Variants in PCDH15 observed in about 807,000 individuals in gnomAD.
PCDH15 encodes protocadherin related 15, also known as protocadherin-15.
In PCDH15, 129 loss-of-function variants were observed where a neutral mutation model predicts 178.5. The observed-to-expected ratio is 0.72, with a 90% CI of 0.63 to 0.84. The LOEUF is 0.84. Among genes scored for constraint, PCDH15 ranks in the 40% least tolerant of loss-of-function variants. PCDH15 has a pLI of 0.00. For missense variants in PCDH15, 2,230 were observed against 2,099.9 expected (o/e 1.06, Z -1.21); for synonymous variants, 800 against 732.0 (o/e 1.09, Z -1.50).
chr10:55,505,822 T>C (rs1395068145), intron 2 of PCDH15, among the ~76,000 whole-genome samples: 3 of 151,434 alleles, frequency 2.0e-5, no homozygotes, highest in African/African-American at 4.8e-5. Context: ...ATGATAAACA[T>C]GTCTTAAGAG....
At chr10:54,385,221 G>A (rs1949773225) in intron 3 of PCDH15, among the ~76,000 whole-genome samples, 1 of 152,024 alleles carries the variant, frequency 6.6e-6, no homozygotes, top group Non-Finnish European at 1.5e-5. Flanking sequence ...ATTCTGAGTT[G>A]TCATAACCCT....
At chr10:55,026,538 A>G (rs1275418648) in intron 2 of PCDH15, among the ~76,000 whole-genome samples, 1 of 152,006 alleles carries the variant, frequency 6.6e-6, no homozygotes, top group Non-Finnish European at 1.5e-5. Flanking sequence ...AACTACAAAG[A>G]GAGGAATATA....
chr10:54,969,746 ATCACAGTG>A (rs1838885127), intron 2 of PCDH15, among the ~76,000 whole-genome samples: 1 of 152,192 alleles, frequency 6.6e-6, no homozygotes, highest in Non-Finnish European at 1.5e-5. Context: ...ATCCAGCATA[ATCACAGTG>A]TTCACTTCAT....
intron 2 of PCDH15, among the ~76,000 whole-genome samples, chr10:54,944,909 A>G (rs1218051907): frequency 6.6e-6 from 1 of 151,072 alleles, no homozygotes; most frequent in African/African-American, 2.4e-5. Flanking sequence ...TAAATGGACA[A>G]TTTTTTTTTC....
At chr10:55,044,390 C>T (rs1176474090) in intron 2 of PCDH15, among the ~76,000 whole-genome samples, 2 of 152,110 alleles carry the variant, frequency 1.3e-5, no homozygotes, top group Non-Finnish European at 2.9e-5. Context: ...GAAAACCTAA[C>T]GCATATGATA....
At chr10:54,222,289 C>T (rs2052921473) in intron 9 of PCDH15, among the ~76,000 whole-genome samples, 1 of 152,172 alleles carries the variant, frequency 6.6e-6, no homozygotes, top group South Asian at 2.1e-4. Flanking sequence ...GTCAATACCA[C>T]AATCGGGATA....
chr10:54,941,538 C>T (rs1838063031), intron 2 of PCDH15, among the ~76,000 whole-genome samples: 1 of 152,018 alleles, frequency 6.6e-6, no homozygotes, highest in Admixed American at 6.6e-5. Flanking sequence ...TCTTTGAACA[C>T]ATTTAGAATA....
At chr10:54,187,947 A>G (rs2048625127) in intron 11 of PCDH15, among the ~76,000 whole-genome samples, 1 of 151,826 alleles carries the variant, frequency 6.6e-6, no homozygotes, top group Admixed American at 6.6e-5. Flanking sequence ...TGTTGTGTAT[A>G]TATTTATGTT....
intron 2 of PCDH15, among the ~76,000 whole-genome samples, chr10:55,587,486 C>T (rs1485151302): frequency 6.6e-6 from 1 of 152,084 alleles, no homozygotes; most frequent in East Asian, 1.9e-4. Flanking sequence ...TATGGTCTCA[C>T]AGTTTTACAT....
At chr10:54,482,524 G>A (rs569815711) in intron 3 of PCDH15, among the ~76,000 whole-genome samples, 2 of 151,754 alleles carry the variant, frequency 1.3e-5, no homozygotes, top group African/African-American at 4.8e-5. Flanking sequence ...GTGTCCTTGT[G>A]AAAATGGATG....
intron 28 of PCDH15, among the ~76,000 whole-genome samples, chr10:53,850,853 C>T (rs1013907223): frequency 2.6e-5 from 4 of 151,956 alleles, no homozygotes; most frequent in Admixed American, 2.6e-4. Context: ...ATAGACAATA[C>T]AGCAATTTAA....
intron 1 of PCDH15, among the ~76,000 whole-genome samples, chr10:54,779,923 A>G (rs1371013455): frequency 2.0e-5 from 3 of 152,134 alleles, no homozygotes; most frequent in African/African-American, 7.2e-5. Context: ...TAAATTGGCC[A>G]CTATTGGTTT....
At chr10:55,172,573 A>ATCAAAATAAC (rs1839366715) in intron 1 of PCDH15, among the ~76,000 whole-genome samples, 1 of 152,056 alleles carries the variant, frequency 6.6e-6, no homozygotes, top group Admixed American at 6.6e-5. Flanking sequence ...TGAAATTTAA[A>ATCAAAATAAC]AGGCCTTCTA....
intron 3 of PCDH15, among the ~76,000 whole-genome samples, chr10:54,456,078 G>C (rs1049837926): frequency 6.6e-6 from 1 of 152,136 alleles, no homozygotes; most frequent in Non-Finnish European, 1.5e-5. Flanking sequence ...AGCCTCTCCT[G>C]GGGAAATGTG....
At chr10:54,220,175 G>A (rs2052622176) in intron 9 of PCDH15, among the ~76,000 whole-genome samples, 1 of 152,222 alleles carries the variant, frequency 6.6e-6, no homozygotes, top group Admixed American at 6.5e-5. Context: ...GCTGAGCTGG[G>A]AAAGATTTTC....
At chr10:55,171,313 G>A (rs148576452) in intron 1 of PCDH15, among the ~76,000 whole-genome samples, 126 of 152,242 alleles carry the variant, frequency 8.3e-4, no homozygotes, top group African/African-American at 2.9e-3. Flanking sequence ...ACCAGCTTAG[G>A]CCTAAATGAT....
At chr10:54,562,296 A>C (rs1172331393) in intron 2 of PCDH15, among the ~76,000 whole-genome samples, 2 of 152,086 alleles carry the variant, frequency 1.3e-5, no homozygotes, top group Non-Finnish European at 2.9e-5. Context: ...TGGCCTATCA[A>C]TGGTAATACC....
intron 2 of PCDH15, among the ~76,000 whole-genome samples, chr10:55,364,963 T>G: frequency 6.6e-6 from 1 of 152,284 alleles, no homozygotes; most frequent in African/African-American, 2.4e-5. Context: ...ATTGGTTCTT[T>G]AAAAAAATTA....
intron 2 of PCDH15, among the ~76,000 whole-genome samples, chr10:55,435,256 G>A (rs1839011593): frequency 6.6e-6 from 1 of 152,106 alleles, no homozygotes; most frequent in Non-Finnish European, 1.5e-5. Context: ...CGAAGGTATT[G>A]ATACAAACAA....
Sources: allele counts gnomAD v4.1 joint callset (sites outside exome capture counted in the v4.1 genomes callset), GRCh38; gene constraint gnomAD v4.1.1; transcripts MANE v1.5; gene names NCBI Gene and HGNC (gene_info 2026-07-23, HGNC 2026-07-21).